Variants in STEAP1B observed in about 807,000 individuals in gnomAD.
STEAP1B encodes STEAP family protein MGC87042.
Under a neutral mutation model 27.9 loss-of-function variants are expected in STEAP1B, and 13 were observed. The observed-to-expected ratio is 0.47, with a 90% CI of 0.30 to 0.74. The LOEUF (loss-of-function observed/expected upper bound fraction) is 0.74. STEAP1B is among the 30% of genes least tolerant of loss of function. The pLI is 0.06. For synonymous variants in STEAP1B, 86 were observed against 107.1 expected, an observed-to-expected ratio of 0.80 and a Z score of 1.22; for missense variants, 250 against 298.7, an observed-to-expected ratio of 0.84 and a Z score of 1.20.
At chr7:22,490,302 A>G (rs931848767) in intron 4 of STEAP1B, among the ~76,000 whole-genome samples, 1 of 152,092 alleles carries the variant, frequency 6.6e-6, no homozygotes, top group Non-Finnish European at 1.5e-5. Context: ...GCTTTTCTCT[A>G]GTGTATTTCC....
intron 4 of STEAP1B, among the ~76,000 whole-genome samples, chr7:22,436,165 T>C (rs1785251666): frequency 6.6e-6 from 1 of 152,012 alleles, no homozygotes; most frequent in Admixed American, 6.6e-5. Context: ...AATAAAAGGC[T>C]TATACAGAGA....
intron 4 of STEAP1B, among the ~76,000 whole-genome samples, chr7:22,484,937 C>T (rs554636276): frequency 4.7e-4 from 71 of 152,314 alleles, no homozygotes; most frequent in African/African-American, 1.6e-3. Flanking sequence ...ATTCTGAGTA[C>T]AGCCTGAAGC....
At chr7:22,475,466 G>A (rs956478797) in intron 4 of STEAP1B, among the ~76,000 whole-genome samples, 1 of 152,208 alleles carries the variant, frequency 6.6e-6, no homozygotes, top group African/African-American at 2.4e-5. Flanking sequence ...TGAACTCCTG[G>A]ACTCAAGTGA....
chr7:22,487,576 G>GGA (rs1408605361), intron 4 of STEAP1B, among the ~76,000 whole-genome samples: 1 of 151,482 alleles, frequency 6.6e-6, no homozygotes, highest in Non-Finnish European at 1.5e-5. Context: ...GGGGGCGGGG[G>GGA]GGTGCATCAC....
At chr7:22,434,243 G>A (rs1013645105) in intron 4 of STEAP1B, among the ~76,000 whole-genome samples, 8 of 152,174 alleles carry the variant, frequency 5.3e-5, no homozygotes, top group East Asian at 3.9e-4. Context: ...CCGGCTTTCC[G>A]TGTCTGTACC....
chr7:22,441,569 A>G (rs1248908513), intron 4 of STEAP1B, among the ~76,000 whole-genome samples: 1 of 152,180 alleles, frequency 6.6e-6, no homozygotes, highest in East Asian at 1.9e-4. Context: ...CAAGCCCCTG[A>G]CTCTGTACCG....
Position 22,479,388 on chromosome 7 carries a change from G to T in STEAP1B, c.762+13177C>A, listed in dbSNP as rs71528604. On this transcript the variant is annotated intron_variant, in intron 4 of 4. Coordinates refer to ENST00000678116, the MANE Select transcript of STEAP1B (RefSeq NM_001382447.1). ...TATGCTGCATAGTATTTTACAATTT[G>T]CAGCTCGTTAATAGCCTGTGAACTC... Among the ~76,000 whole-genome samples, 1,380 of 152,302 alleles carry T rather than the reference G, an allele frequency of 9.1e-3. 13 individuals are homozygous for T. The highest frequency in any genetic ancestry group is 0.015 in the Non-Finnish European group (1,033 of 68,022).
chr7:22,478,044 G>C (rs1294172908), intron 4 of STEAP1B, among the ~76,000 whole-genome samples: 2 of 152,150 alleles, frequency 1.3e-5, no homozygotes, highest in Admixed American at 6.5e-5. Flanking sequence ...CAAAGCTCTG[G>C]AGCTGGGGGC....
At chr7:22,453,550 T>C (rs905337170) in intron 4 of STEAP1B, among the ~76,000 whole-genome samples, 1 of 152,250 alleles carries the variant, frequency 6.6e-6, no homozygotes, top group Non-Finnish European at 1.5e-5. Context: ...TTTTAATTTA[T>C]GTTACTTTCT....
At chr7:22,452,309 A>G (rs1785503508) in intron 4 of STEAP1B, among the ~76,000 whole-genome samples, 1 of 151,968 alleles carries the variant, frequency 6.6e-6, no homozygotes, top group Admixed American at 6.6e-5. Flanking sequence ...CGCTCCTGAG[A>G]CCCTCCACAC....
intron 4 of STEAP1B, among the ~76,000 whole-genome samples, chr7:22,463,620 G>A (rs1055111261): frequency 3.3e-4 from 50 of 152,130 alleles, no homozygotes; most frequent in African/African-American, 1.1e-3. Context: ...ATAGATCAAT[G>A]GAACAAAACA....
At chr7:22,445,815 G>A (rs544423797) in intron 4 of STEAP1B, among the ~76,000 whole-genome samples, 18 of 152,352 alleles carry the variant, frequency 1.2e-4, no homozygotes, top group African/African-American at 4.1e-4. Context: ...GGCAGGAGAG[G>A]CGAAGAGGAA....
At chr7:22,461,081 C>T (rs541757600) in intron 4 of STEAP1B, among the ~76,000 whole-genome samples, 1 of 152,236 alleles carries the variant, frequency 6.6e-6, no homozygotes, top group Admixed American at 6.5e-5. Context: ...GAACAGCTAG[C>T]TGTGTTGGAT....
chr7:22,427,798 G>A (rs886166038), intron 4 of STEAP1B, among the ~76,000 whole-genome samples: 4 of 152,154 alleles, frequency 2.6e-5, no homozygotes, highest in African/African-American at 9.7e-5. Flanking sequence ...AAAAGAAACT[G>A]GTAAAATTAG....
At chr7:22,484,542 T>C (rs1786166168) in intron 4 of STEAP1B, among the ~76,000 whole-genome samples, 1 of 152,200 alleles carries the variant, frequency 6.6e-6, no homozygotes, top group Non-Finnish European at 1.5e-5. Flanking sequence ...AGAGCTCAGA[T>C]GGAGATGCAA....
intron 4 of STEAP1B, among the ~76,000 whole-genome samples, chr7:22,426,447 T>C (rs2128398970): frequency 6.6e-6 from 1 of 152,328 alleles, no homozygotes; most frequent in South Asian, 2.1e-4. Flanking sequence ...AGACAAAAGA[T>C]GAGGCCTTGG....
At chr7:22,451,725 G>A (rs751471728) in intron 4 of STEAP1B, among the ~76,000 whole-genome samples, 1 of 152,064 alleles carries the variant, frequency 6.6e-6, no homozygotes, top group Non-Finnish European at 1.5e-5. Flanking sequence ...TGCATCCCAG[G>A]GATAAATCCC....
At chr7:22,428,604 A>T (rs1467846355) in intron 4 of STEAP1B, among the ~76,000 whole-genome samples, 1 of 152,184 alleles carries the variant, frequency 6.6e-6, no homozygotes, top group Non-Finnish European at 1.5e-5. Context: ...TTCACTCATG[A>T]ACACAAATGC....
chr7:22,443,375 T>C (rs1428731398), intron 4 of STEAP1B, among the ~76,000 whole-genome samples: 1 of 152,212 alleles, frequency 6.6e-6, no homozygotes, highest in Non-Finnish European at 1.5e-5. Context: ...TAGGTATTAA[T>C]TAAGCACCCA....
Sources: allele counts gnomAD v4.1 joint callset (sites outside exome capture counted in the v4.1 genomes callset), GRCh38; gene constraint gnomAD v4.1.1; transcripts MANE v1.5; gene names NCBI Gene and HGNC (gene_info 2026-07-23, HGNC 2026-07-21).